The following NARF variants were observed in gnomAD, a reference collection of about 807,000 sequenced individuals.
NARF encodes the protein iron-only hydrogenase-like protein 2.
In NARF, 41 loss-of-function variants were observed where a neutral mutation model predicts 48.0. The observed-to-expected ratio is 0.85, with a 90% confidence interval of 0.66 to 1.11. The LOEUF (loss-of-function observed/expected upper bound fraction) is 1.11. Among genes scored for constraint, NARF ranks in the 50% least tolerant of loss-of-function variants. The pLI is 0.00. For missense variants in NARF, 613 were observed against 590.2 expected (o/e 1.04, Z -0.40); for synonymous variants, 215 against 225.5 (o/e 0.95, Z 0.42).
At chr17:82,474,383 A>G (rs895451277) in intron 5 of NARF, among the ~76,000 whole-genome samples, 2 of 152,226 alleles carry the variant, frequency 1.3e-5, no homozygotes, top group African/African-American at 2.4e-5. Flanking sequence ...CCTGAGTTAT[A>G]GAAGAGATTT....
At chr17:82,465,196 A>C (rs191773302) in intron 3 of NARF, among the ~76,000 whole-genome samples, 17 of 152,264 alleles carry the variant, frequency 1.1e-4, no homozygotes, top group Non-Finnish European at 1.8e-4. Flanking sequence ...CTCACTCACT[A>C]TCATGAGAAG....
At chr17:82,474,528 G>A (rs1035023090) in intron 5 of NARF, among the ~76,000 whole-genome samples, 1 of 152,206 alleles carries the variant, frequency 6.6e-6, no homozygotes, top group African/African-American at 2.4e-5. Flanking sequence ...CATGAGGCCT[G>A]TGGGAGCATA....
rs186642869 is a variant in NARF at position 82,460,202 on chromosome 17, C to T, written c.108+130C>T. On this transcript the variant is annotated intron_variant, in intron 2 of 10. Coordinates refer to ENST00000309794, the MANE Select transcript of NARF (RefSeq NM_012336.4). The stretch of plus-strand genomic sequence containing the variant: ...TGAAGTACGCGGGCATGGTGGCTCA[C>T]GCCTGGAATCCCAGCACTTTGGGAG... The T allele has an allele frequency of 2.1e-5, 15 of 719,386 alleles. No individual in the cohort carries two copies. In the Admixed American group the frequency reaches 3.6e-4, roughly 17 times the overall value. The allele number at this position is 719,386 out of a possible 1,614,324, so 44.6% of individuals were successfully genotyped here.
chr17:82,475,909 CA>C (rs2043821977), intron 5 of NARF, among the ~76,000 whole-genome samples: 1 of 152,138 alleles, frequency 6.6e-6, no homozygotes, highest in Non-Finnish European at 1.5e-5. Context: ...AAGGAGACTG[CA>C]AAAAGTTTGT....
At chr17:82,484,047 C>T (rs993054981) in intron 8 of NARF, 1 of 447,126 alleles carries the variant, frequency 2.2e-6, no homozygotes, top group Admixed American at 4.0e-5. Context: ...ACAAAATGCA[C>T]AAACAGCTTT....
At position 82,485,612 on chromosome 17, in the gene NARF, A is replaced by G; in HGVS notation, c.1087A>G (p.Lys363Glu). 6.2e-7 allele frequency: 1 copy of G among 1,614,212 alleles called. No homozygotes were observed. The highest frequency in any genetic ancestry group is 8.5e-7 in the Non-Finnish European group (1 of 1,180,042). Residue 363 changes from lysine (K) to glutamate (E), a missense_variant, in exon 10 of 11, where the codon AAG becomes GAG. Coordinates refer to ENST00000309794, the MANE Select transcript of NARF (RefSeq NM_012336.4). Reference protein sequence around the residue: ...QNMILKLKKGKFPFHFVEVLA... With the variant: ...QNMILKLKKGEFPFHFVEVLA... Reference sequence around the variant, plus strand: ...CATGATCCTGAAGCTTAAGAAGGGCAAGTTCCCATTCCACTTTGTGGAGGT... The same window carrying G: ...CATGATCCTGAAGCTTAAGAAGGGCGAGTTCCCATTCCACTTTGTGGAGGT...
intron 7 of NARF, 148 bp downstream of exon 7, chr17:82,481,359 T>C (rs961970706): frequency 1.6e-6 from 2 of 1,223,426 alleles, no homozygotes; most frequent in Admixed American, 2.4e-5. Context: ...CTGAGGGTCC[T>C]AGGGGCTTAA....
At chr17:82,483,908 C>T in intron 8 of NARF, 129 bp downstream of exon 8, 1 of 778,114 alleles carries the variant, frequency 1.3e-6, no homozygotes, top group Non-Finnish European at 2.1e-6. Context: ...TGCAGTCCCC[C>T]AGGCCCCTGC....
Position 82,487,875 on chromosome 17 carries a change from C to T in NARF, c.1130-41C>T, listed in dbSNP as rs762536490. 19 of 1,554,224 alleles carry T rather than the reference C, an allele frequency of 1.2e-5. No individual in the cohort carries two copies. In the African/African-American group the frequency reaches 1.5e-4, roughly 12 times the overall value. ...GCTCAGGAAGCTAAGGCAGAAAGAT[C>T]GCCTGAGCCCAGGATAAACTTACCT... On this transcript the variant is annotated intron_variant, in intron 10 of 10. Transcript: ENST00000309794.
intron 5 of NARF, chr17:82,477,503 A>T (rs923734911): frequency 6.6e-6 from 1 of 151,574 alleles, no homozygotes; most frequent in African/African-American, 2.4e-5. Flanking sequence ...GACTGTCTCA[A>T]AAAAAAAACA....
rs957674763 is a variant in NARF, at chr17:82,478,263, C to T, written c.521-537C>T. Among the ~76,000 whole-genome samples, 10 of 152,186 alleles carry T rather than the reference C, an allele frequency of 6.6e-5. No homozygotes were observed. The East Asian group carries it at 9.6e-4, about 15-fold the overall frequency. The stretch of plus-strand genomic sequence containing the variant: ...ACCTCAGGAAAGTGCTCAGATTGTG[C>T]GGGCATGTAGTGACACTACAGATGT... On this transcript the variant is annotated intron_variant, in intron 5 of 10. Transcript: ENST00000309794.
chr17:82,467,875 A>G (rs1399470650), intron 3 of NARF, among the ~76,000 whole-genome samples: 1 of 152,058 alleles, frequency 6.6e-6, no homozygotes, highest in Non-Finnish European at 1.5e-5. Flanking sequence ...GTTGTGTAGT[A>G]ATTTCACTTA....
chr17:82,480,144 C>T (rs1374005873), intron 6 of NARF, among the ~76,000 whole-genome samples: 1 of 152,242 alleles, frequency 6.6e-6, no homozygotes, highest in Non-Finnish European at 1.5e-5. Context: ...CACAGGGTCA[C>T]TTGGCAACTG....
At chr17:82,466,982 CGT>C (rs2143848728) in intron 3 of NARF, among the ~76,000 whole-genome samples, 1 of 151,744 alleles carries the variant, frequency 6.6e-6, no homozygotes, top group East Asian at 1.9e-4. Flanking sequence ...CATAAGCCAC[CGT>C]ACCTGGCCTT....
Position 82,468,782 on chromosome 17 carries a change from C to T in NARF, c.271C>T (p.His91Tyr), listed in dbSNP as rs1325284077. 6.2e-7 allele frequency: 1 copy of T among 1,613,880 alleles called. No homozygotes were observed. The highest frequency in any genetic ancestry group is 2.2e-5 in the East Asian group (1 of 44,888). Residue 91 changes from histidine (H) to tyrosine (Y), a missense_variant, in exon 4 of 11, where the codon CAC (histidine) becomes TAC (tyrosine). Transcript: ENST00000309794. ...NLNKKCDTSK[H>Y]KVLVVSVCPQ... ...CTTCTAGAAATGTGATACCTCAAAG[C>T]ACAAAGTGCTGGTAGTGTCTGTGTG...
intron 6 of NARF, 96 bp from the exon 7 acceptor site, chr17:82,480,986 G>A (rs148571236): frequency 6.6e-7 from 1 of 1,510,686 alleles, no homozygotes; most frequent in Non-Finnish European, 9.1e-7. Context: ...CAGCAGCAGG[G>A]GGCATTCGGT....
rs1242680355 is a variant in NARF, at chr17:82,481,112, A to T, written c.670A>T (p.Ile224Phe). The T allele has an allele frequency of 6.2e-7, 1 of 1,613,968 alleles. No homozygotes were observed. Among genetic ancestry groups the T allele is most frequent in the East Asian group, 2.2e-5 (1 of 44,864 alleles). Reference protein sequence around the residue: ...NLSPEKIFHVIVAPCYDKKLE... With the variant: ...NLSPEKIFHVFVAPCYDKKLE... Reference sequence around the variant, plus strand: ...GTCTCCAGAGAAGATTTTCCACGTCATTGTGGCCCCTTGTTATGACAAGAA... The same window carrying T: ...GTCTCCAGAGAAGATTTTCCACGTCTTTGTGGCCCCTTGTTATGACAAGAA... Residue 224 changes from isoleucine to phenylalanine, a missense_variant, in exon 7 of 11, where the codon ATT becomes TTT. By Grantham distance (21) the Ile-to-Phe change is conservative (BLOSUM62 0). Transcript: ENST00000309794.
At chr17:82,485,193 G>A (rs979439543) in intron 9 of NARF, among the ~76,000 whole-genome samples, 7 of 152,158 alleles carry the variant, frequency 4.6e-5, no homozygotes, top group Non-Finnish European at 8.8e-5. Flanking sequence ...AGGCCGAGGC[G>A]GGCGGATCAT....
Position 82,478,817 on chromosome 17 carries a change from G to A in NARF, c.538G>A (p.Glu180Lys), listed in dbSNP as rs1289357455. ...SACPGWVRYA[E>K]RVLGRPITAH... ...CTCCCCAGGCTGGGTCCGATACGCC[G>A]AGCGGGTGCTGGGTCGCCCCATCAC... Residue 180 changes from glutamate to lysine, a missense_variant, in exon 6 of 11, where the codon GAG (glutamate) becomes AAG (lysine). Physicochemically the swap from Glu to Lys is moderately conservative, Grantham distance 56 (BLOSUM62 1). Transcript: ENST00000309794. The A allele has an allele frequency of 7.4e-6, 12 of 1,613,688 alleles. No individual in the cohort carries two copies. Among genetic ancestry groups the A allele is most frequent in the South Asian group, 1.1e-5 (1 of 91,056 alleles).
Sources: allele counts gnomAD v4.1 joint callset (sites outside exome capture counted in the v4.1 genomes callset), GRCh38; gene constraint gnomAD v4.1.1; transcripts MANE v1.5; gene names NCBI Gene and HGNC (gene_info 2026-07-23, HGNC 2026-07-21).